Variants in TNNI3K observed in about 807,000 individuals in gnomAD.
TNNI3K encodes serine/threonine-protein kinase TNNI3K.
Under a neutral mutation model 114.5 loss-of-function variants are expected in TNNI3K, and 140 were observed. That is an observed-to-expected ratio of 1.22 (90% confidence interval 1.07 to 1.41). The LOEUF (loss-of-function observed/expected upper bound fraction) is 1.41, where lower values mean the gene tolerates loss of function less well. TNNI3K is among the 40% of genes most tolerant of loss of function. TNNI3K has a pLI of 0.00. For synonymous variants in TNNI3K, 347 were observed against 347.5 expected (o/e 1.00, Z 0.02); for missense variants, 1,125 against 1,007.6 (o/e 1.12, Z -1.58).
chr1:74,282,771 G>T (rs1657092973), intron 5 of TNNI3K, among the ~76,000 whole-genome samples: 1 of 152,086 alleles, frequency 6.6e-6, no homozygotes, highest in Non-Finnish European at 1.5e-5. Flanking sequence ...GCCTGATGTT[G>T]TTTTTATTTC....
chr1:74,541,814 T>C (rs1227293918), intron 24 of TNNI3K, among the ~76,000 whole-genome samples: 1 of 152,190 alleles, frequency 6.6e-6, no homozygotes, highest in Admixed American at 6.5e-5. Context: ...ACATTCGATA[T>C]CTCCCATTAG....
At chr1:74,262,489 G>A (rs1393693230) in intron 4 of TNNI3K, among the ~76,000 whole-genome samples, 2 of 151,040 alleles carry the variant, frequency 1.3e-5, no homozygotes, top group African/African-American at 4.9e-5. Flanking sequence ...ATTAAAGACT[G>A]CATTTTCCCT....
chr1:74,493,070 A>G (rs1669157317), intron 23 of TNNI3K, among the ~76,000 whole-genome samples: 1 of 152,124 alleles, frequency 6.6e-6, no homozygotes, highest in African/African-American at 2.4e-5. Context: ...TTATCTCCTT[A>G]AAGGCCTTCT....
intron 9 of TNNI3K, among the ~76,000 whole-genome samples, chr1:74,344,617 T>C (rs1327052341): frequency 2.0e-5 from 3 of 152,100 alleles, no homozygotes; most frequent in Non-Finnish European, 4.4e-5. Context: ...CTCTTTCCGT[T>C]TAGGTCATGC....
At chr1:74,503,014 C>T (rs1669713940) in intron 23 of TNNI3K, among the ~76,000 whole-genome samples, 1 of 152,196 alleles carries the variant, frequency 6.6e-6, no homozygotes, top group Admixed American at 6.5e-5. Context: ...AGCTCTACTT[C>T]AGCATGATTT....
intron 20 of TNNI3K, among the ~76,000 whole-genome samples, chr1:74,458,530 C>T (rs1028133773): frequency 2.0e-5 from 3 of 152,132 alleles, no homozygotes; most frequent in Non-Finnish European, 1.5e-5. Context: ...CAGTAATTTA[C>T]CTGCTCATGT....
At chr1:74,261,478 TG>T (rs1655671147) in intron 4 of TNNI3K, among the ~76,000 whole-genome samples, 1 of 152,140 alleles carries the variant, frequency 6.6e-6, no homozygotes, top group Non-Finnish European at 1.5e-5. Flanking sequence ...TAATTCTTTT[TG>T]TACCCTAATG....
chr1:74,464,288 C>T (rs1195460455), intron 21 of TNNI3K, among the ~76,000 whole-genome samples: 1 of 152,170 alleles, frequency 6.6e-6, no homozygotes, highest in Admixed American at 6.5e-5. Flanking sequence ...AGTCCAGTGT[C>T]TAGTAATCCT....
chr1:74,419,971 T>A lies in TNNI3K; in HGVS notation c.1773-16109T>A, dbSNP rs993172037. Among the ~76,000 whole-genome samples, 3 of 151,954 alleles carry A rather than the reference T, an allele frequency of 2.0e-5. No individual in the cohort carries two copies. The South Asian group carries it at 6.2e-4, about 32-fold the overall frequency. On this transcript the variant is annotated intron_variant, in intron 17 of 24. Transcript: ENST00000326637. ...GTGATACAACATAAATGGCTATACA[T>A]CAAAGAAGAAAATAATAAGGATCTG...
At chr1:74,242,824 G>A (rs1159528615) in intron 2 of TNNI3K, among the ~76,000 whole-genome samples, 8 of 151,998 alleles carry the variant, frequency 5.3e-5, no homozygotes, top group Non-Finnish European at 2.9e-5. Context: ...AAATCATTGA[G>A]AAGCAACTTG....
intron 23 of TNNI3K, among the ~76,000 whole-genome samples, chr1:74,498,727 T>TC (rs1164576286): frequency 2.6e-5 from 4 of 151,936 alleles, no homozygotes; most frequent in Non-Finnish European, 4.4e-5. Context: ...TTTCCAGTCT[T>TC]CCCCCCGACT....
chr1:74,299,723 G>C (rs1437513199), intron 5 of TNNI3K, among the ~76,000 whole-genome samples: 1 of 152,050 alleles, frequency 6.6e-6, no homozygotes, highest in Non-Finnish European at 1.5e-5. Context: ...GAAGCATCAT[G>C]GTGTATGTAG....
At chr1:74,464,686 C>CT (rs1178422470) in intron 21 of TNNI3K, 12 of 1,597,160 alleles carry the variant, frequency 7.5e-6, no homozygotes, top group Non-Finnish European at 1.0e-5. Flanking sequence ...CACAGAAACT[C>CT]TTAAGAAGAA....
intron 5 of TNNI3K, among the ~76,000 whole-genome samples, chr1:74,327,923 C>T (rs1353904112): frequency 1.3e-5 from 2 of 150,730 alleles, no homozygotes; most frequent in Non-Finnish European, 3.0e-5. Context: ...CATATAGTCT[C>T]ACAAAAAAAT....
intron 5 of TNNI3K, among the ~76,000 whole-genome samples, chr1:74,286,519 A>G (rs1056604264): frequency 6.6e-6 from 1 of 152,032 alleles, no homozygotes; most frequent in Non-Finnish European, 1.5e-5. Flanking sequence ...GAACTCAGGT[A>G]CGAGGCTCAT....
At chr1:74,410,711 G>A (rs945352172) in intron 17 of TNNI3K, among the ~76,000 whole-genome samples, 4 of 152,190 alleles carry the variant, frequency 2.6e-5, no homozygotes, top group Non-Finnish European at 5.9e-5. Flanking sequence ...ATACACTAAT[G>A]TAATAGCCAA....
At chr1:74,440,873 T>C (rs1666349238) in intron 20 of TNNI3K, among the ~76,000 whole-genome samples, 1 of 152,006 alleles carries the variant, frequency 6.6e-6, no homozygotes, top group South Asian at 2.1e-4. Context: ...ATACAGAAAA[T>C]TGATTATAAT....
At chr1:74,534,070 T>C (rs1041119241) in intron 23 of TNNI3K, among the ~76,000 whole-genome samples, 7 of 152,162 alleles carry the variant, frequency 4.6e-5, no homozygotes, top group African/African-American at 1.7e-4. Flanking sequence ...AGGGGTTTTA[T>C]AAAAATGTTA....
intron 1 of TNNI3K, among the ~76,000 whole-genome samples, 188 bp from the exon 2 acceptor site, chr1:74,235,914 T>C (rs577829639): frequency 6.6e-6 from 1 of 151,772 alleles, no homozygotes; most frequent in East Asian, 1.9e-4. Context: ...GGGTTCTTCA[T>C]TACTACAATT....
Sources: allele counts gnomAD v4.1 joint callset (sites outside exome capture counted in the v4.1 genomes callset), GRCh38; gene constraint gnomAD v4.1.1; transcripts MANE v1.5; gene names NCBI Gene and HGNC (gene_info 2026-07-23, HGNC 2026-07-21).